Variants in CADM1 observed in about 807,000 individuals in gnomAD.
The protein encoded by CADM1 is TSLC-1.
In CADM1, 15 loss-of-function variants were observed where a neutral mutation model predicts 53.1. The ratio of observed to expected loss-of-function variants is 0.28; its 90% CI spans 0.19 to 0.44. The LOEUF (loss-of-function observed/expected upper bound fraction) is 0.44. CADM1 is among the 20% of genes least tolerant of loss of function. The pLI, the probability that CADM1 is intolerant of heterozygous loss-of-function variation, is 1.00. For synonymous variants in CADM1, 281 were observed against 243.0 expected, an observed-to-expected ratio of 1.16 and a Z score of -1.45; for missense variants, 434 against 611.3, an observed-to-expected ratio of 0.71 and a Z score of 3.06.
chr11:115,211,475 C>CTTTTT (rs1224649182), intron 7 of CADM1, among the ~76,000 whole-genome samples: 49 of 92,200 alleles, frequency 5.3e-4, no homozygotes, highest in East Asian at 1.4e-3. Flanking sequence ...AATCCTATTT[C>CTTTTT]TTTTTTTTTT....
intron 1 of CADM1, among the ~76,000 whole-genome samples, chr11:115,282,327 C>T (rs1332402062): frequency 6.6e-6 from 1 of 152,112 alleles, no homozygotes; most frequent in Non-Finnish European, 1.5e-5. Context: ...CTGCATCTAC[C>T]CTATGGCTGG....
chr11:115,385,177 C>T (rs1946669860), intron 1 of CADM1, among the ~76,000 whole-genome samples: 2 of 142,504 alleles, frequency 1.4e-5, no homozygotes, highest in South Asian at 2.2e-4. Context: ...GTAAAATGTG[C>T]TTTCCAAAAA....
At chr11:115,440,495 C>G (rs1948284843) in intron 1 of CADM1, among the ~76,000 whole-genome samples, 1 of 152,166 alleles carries the variant, frequency 6.6e-6, no homozygotes. Context: ...CTGGAGTTTA[C>G]CAGATAGATC....
Position 115,271,574 on chromosome 11 carries a change from G to A in CADM1, c.125-31154C>T, listed in dbSNP as rs137919968. Among the ~76,000 whole-genome samples, 46 of 152,246 alleles carry A rather than the reference G, an allele frequency of 3.0e-4. No homozygotes were observed. In the East Asian group the frequency reaches 3.7e-3, roughly 12 times the overall value. On this transcript the variant is annotated intron_variant, in intron 1 of 11. Transcript: ENST00000331581. Reference sequence around the variant, plus strand: ...TGGGATTACAGGCGTGAGCCACCGCGCCCAGCCTAGGATTTTGATCAGTAC... The same window carrying A: ...TGGGATTACAGGCGTGAGCCACCGCACCCAGCCTAGGATTTTGATCAGTAC...
intron 1 of CADM1, among the ~76,000 whole-genome samples, chr11:115,494,423 T>C (rs1010636890): frequency 9.2e-5 from 14 of 152,152 alleles, no homozygotes; most frequent in Non-Finnish European, 1.5e-4. Flanking sequence ...TTATTAAACA[T>C]AGTATATAAA....
At chr11:115,492,829 T>G (rs1381061983) in intron 1 of CADM1, among the ~76,000 whole-genome samples, 1 of 152,080 alleles carries the variant, frequency 6.6e-6, no homozygotes, top group Non-Finnish European at 1.5e-5. Context: ...TGAATAAACA[T>G]TTTTAAAATA....
chr11:115,350,248 G>A (rs1162540675), intron 1 of CADM1, among the ~76,000 whole-genome samples: 1 of 152,206 alleles, frequency 6.6e-6, no homozygotes, highest in Non-Finnish European at 1.5e-5. Context: ...TGGGATTACA[G>A]GCGTGAGCCA....
chr11:115,494,103 G>GA (rs1469254474), intron 1 of CADM1, among the ~76,000 whole-genome samples: 2 of 152,032 alleles, frequency 1.3e-5, no homozygotes, highest in African/African-American at 4.8e-5. Flanking sequence ...GCTTAGGGAA[G>GA]AAAAAAGATG....
chr11:115,229,859 T>C (rs1250898069), intron 4 of CADM1, among the ~76,000 whole-genome samples: 1 of 152,184 alleles, frequency 6.6e-6, no homozygotes, highest in Non-Finnish European at 1.5e-5. Flanking sequence ...TCTGAGACTT[T>C]TGGAAGACCT....
chr11:115,437,900 T>C (rs1479783432), intron 1 of CADM1, among the ~76,000 whole-genome samples: 1 of 152,140 alleles, frequency 6.6e-6, no homozygotes, highest in Non-Finnish European at 1.5e-5. Context: ...GAGGTACATA[T>C]GTAATAGAGA....
intron 1 of CADM1, among the ~76,000 whole-genome samples, chr11:115,261,741 A>G (rs1266957551): frequency 6.6e-6 from 1 of 152,074 alleles, no homozygotes; most frequent in East Asian, 1.9e-4. Flanking sequence ...GCCTATTTAG[A>G]AAACATCTTT....
At chr11:115,308,639 C>T (rs1392193579) in intron 1 of CADM1, among the ~76,000 whole-genome samples, 2 of 151,896 alleles carry the variant, frequency 1.3e-5, no homozygotes, top group Non-Finnish European at 2.9e-5. Context: ...ATCTATGGTA[C>T]CAACAACTTT....
intron 1 of CADM1, among the ~76,000 whole-genome samples, chr11:115,493,120 C>A (rs1346350955): frequency 1.3e-5 from 2 of 151,764 alleles, no homozygotes; most frequent in Non-Finnish European, 2.9e-5. Context: ...CAGGAAAATA[C>A]AATGTAAACA....
In CADM1 at chr11:115,385,963, T is replaced by A. The variant is rs528785221; in HGVS notation, c.124+118308A>T. Among the ~76,000 whole-genome samples the A allele has an allele frequency of 2.8e-4, 42 of 152,364 alleles. No homozygotes were observed. The South Asian group carries it at 7.5e-3, about 27-fold the overall frequency. ...CTTCCCTGCATTGGGATTTCCTGTA[T>A]AAGAACAGGATAAAACTGAACACAT... On this transcript the variant is annotated intron_variant, in intron 1 of 11. Coordinates refer to ENST00000331581, the MANE Select transcript of CADM1 (RefSeq NM_001301043.2).
At chr11:115,278,139 C>G (rs1943493044) in intron 1 of CADM1, among the ~76,000 whole-genome samples, 1 of 152,092 alleles carries the variant, frequency 6.6e-6, no homozygotes, top group South Asian at 2.1e-4. Context: ...TAGAAGTGAT[C>G]ATTTCTGCCT....
chr11:115,179,501 A>G (rs959979104), intron 10 of CADM1, among the ~76,000 whole-genome samples: 1 of 152,206 alleles, frequency 6.6e-6, no homozygotes, highest in African/African-American at 2.4e-5. Context: ...TGACTGAGGA[A>G]CGACATGTTT....
At chr11:115,465,331 C>T (rs1948876294) in intron 1 of CADM1, among the ~76,000 whole-genome samples, 1 of 152,066 alleles carries the variant, frequency 6.6e-6, no homozygotes, top group South Asian at 2.1e-4. Flanking sequence ...ATCCTAGATC[C>T]AAAAAGCTCC....
intron 1 of CADM1, among the ~76,000 whole-genome samples, chr11:115,252,160 G>A (rs942394969): frequency 6.6e-6 from 1 of 152,182 alleles, no homozygotes; most frequent in Non-Finnish European, 1.5e-5. Flanking sequence ...GAGCTTACTG[G>A]TGGTGAAAAC....
At chr11:115,256,941 C>A in intron 1 of CADM1, 1 of 455,332 alleles carries the variant, frequency 2.2e-6, no homozygotes, top group African/African-American at 2.0e-5. Flanking sequence ...ATTTTGGTCT[C>A]TTAAAAAAGT....
Sources: gnomAD v4.1 joint callset for allele counts (sites outside exome capture counted in the v4.1 genomes callset) on GRCh38, gnomAD v4.1.1 for gene constraint, MANE v1.5 for transcripts, NCBI Gene and HGNC (gene_info 2026-07-23, HGNC 2026-07-21) for gene names.